Variants in USP7 observed in about 807,000 individuals in gnomAD.
The protein encoded by USP7 is ubiquitin specific peptidase 7.
A neutral mutation model predicts 162.9 loss-of-function variants in USP7; 9 were observed. That is an observed-to-expected ratio of 0.06 (90% CI 0.03 to 0.10). The LOEUF (loss-of-function observed/expected upper bound fraction) is 0.10, where lower values mean the gene tolerates loss of function less well. USP7 is among the 10% of genes least tolerant of loss of function. The probability of loss-of-function intolerance (pLI) is 1.00; values close to 1 mark genes in which losing one functional copy is unlikely to be tolerated. For missense variants in USP7, 715 were observed against 1,373.7 expected (o/e 0.52, Z 7.58); for synonymous variants, 562 against 475.9 (o/e 1.18, Z -2.35).
Position 8,963,338 on chromosome 16 carries a change from G to C in USP7, c.-53C>G, listed in dbSNP as rs1448105165. 1 of 742,854 alleles carries C rather than the reference G, an allele frequency of 1.3e-6. No individual in the cohort carries two copies. Among genetic ancestry groups the C allele is most frequent in the African/African-American group, 1.9e-5 (1 of 51,916 alleles). 46.0% of individuals were successfully genotyped at this position (742,854 alleles called of 1,614,324 possible). ...GGCCGGGGGCCGGGGCTGCGAGCCC[G>C]GCGGGCGGGCGGCGGCGAGCCGGGG... On this transcript the variant is annotated 5_prime_UTR_variant, in exon 1 of 31. Coordinates refer to ENST00000344836, the MANE Select transcript of USP7 (RefSeq NM_003470.3).
At chr16:8,900,879 G>T in intron 20 of USP7, 111 bp downstream of exon 20, 1 of 1,090,844 alleles carries the variant, frequency 9.2e-7, no homozygotes, top group Non-Finnish European at 1.3e-6. Flanking sequence ...CTGAGGCCCT[G>T]AGTTAGCTGG....
At position 8,939,965 on chromosome 16, in the gene USP7, G is replaced by A. The variant is rs1210423914; in HGVS notation, c.80-9568C>T. 7.2e-5 allele frequency among the ~76,000 whole-genome samples: 11 copies of A among 152,162 alleles called. No individual in the cohort carries two copies. The East Asian group carries it at 2.1e-3, about 29-fold the overall frequency. On this transcript the variant is annotated intron_variant, in intron 1 of 30. Transcript: ENST00000344836. Reference sequence around the variant, plus strand: ...ATACAAAAATTAGCCAAGCATGGTGGCACATGCCTGTAATCCAAGCTACTT... The same window carrying A: ...ATACAAAAATTAGCCAAGCATGGTGACACATGCCTGTAATCCAAGCTACTT...
chr16:8,945,480 G>C (rs916349733), intron 1 of USP7, among the ~76,000 whole-genome samples: 3 of 152,146 alleles, frequency 2.0e-5, no homozygotes, highest in African/African-American at 7.2e-5. Flanking sequence ...GGGGCTTTGG[G>C]AACAGTTCAA....
At chr16:8,895,541 A>C in intron 27 of USP7, 101 bp downstream of exon 27, 1 of 1,029,314 alleles carries the variant, frequency 9.7e-7, no homozygotes, top group Non-Finnish European at 1.5e-6. Flanking sequence ...TGGTATAAAA[A>C]CACAAATCAA....
At chr16:8,951,959 C>G (rs796735855) in intron 1 of USP7, among the ~76,000 whole-genome samples, 28 of 152,340 alleles carry the variant, frequency 1.8e-4, no homozygotes, top group African/African-American at 6.3e-4. Context: ...ATATTCAAAG[C>G]ATGTGGGGAA....
chr16:8,925,651 G>C (rs898838397), intron 2 of USP7, among the ~76,000 whole-genome samples: 7 of 152,172 alleles, frequency 4.6e-5, no homozygotes, highest in Admixed American at 6.5e-5. Context: ...CCGCGCATCC[G>C]TCTCTGTGCC....
intron 18 of USP7, 86 bp downstream of exon 18, chr16:8,901,996 A>G: frequency 7.3e-6 from 8 of 1,093,638 alleles, no homozygotes; most frequent in Non-Finnish European, 1.1e-5. Flanking sequence ...CAAGGGAAGA[A>G]GGCTTAACCC....
At chr16:8,896,958 C>T (rs1238281169) in intron 26 of USP7, 41 bp downstream of exon 26, 1 of 1,496,796 alleles carries the variant, frequency 6.7e-7, no homozygotes, top group Non-Finnish European at 9.3e-7. Flanking sequence ...TAACTGCCAC[C>T]CCTAACTGAA....
intron 1 of USP7, among the ~76,000 whole-genome samples, chr16:8,955,926 T>G (rs1410674119): frequency 6.6e-6 from 1 of 152,046 alleles, no homozygotes; most frequent in Non-Finnish European, 1.5e-5. Context: ...TTTTCTGAAG[T>G]ACTGTGAATG....
chr16:8,922,486 A>G (rs1258229745), intron 3 of USP7, among the ~76,000 whole-genome samples: 1 of 152,070 alleles, frequency 6.6e-6, no homozygotes, highest in Non-Finnish European at 1.5e-5. Flanking sequence ...GACTCTGTAA[A>G]TTTTATTCCC....
intron 1 of USP7, among the ~76,000 whole-genome samples, chr16:8,959,943 T>G (rs1407939478): frequency 6.6e-6 from 1 of 152,182 alleles, no homozygotes; most frequent in African/African-American, 2.4e-5. Context: ...GAGCCGACAC[T>G]GAAACAGAGA....
intron 6 of USP7, 42 bp downstream of exon 6, chr16:8,918,989 G>T: frequency 6.3e-7 from 1 of 1,596,902 alleles, no homozygotes; most frequent in South Asian, 1.1e-5. Flanking sequence ...TGAGAAGAAA[G>T]GGTGAGCGGA....
Position 8,899,149 on chromosome 16 carries a change from T to A in USP7, c.2503A>T (p.Met835Leu). The change falls in exon 23 of 31, where the codon ATG becomes TTG. Residue 835 changes from methionine (M) to leucine (L), a missense_variant. By Grantham distance (15) the Met-to-Leu change is conservative. Coordinates refer to ENST00000344836, the MANE Select transcript of USP7 (RefSeq NM_003470.3). ...TVAQRLNTDP[M>L]LLQFFKSQGY... Reference sequence around the variant, plus strand: ...TGAGACTTGAAAAACTGCAGCAACATTGGATCTGTGTTGAGCCTCTGTGCA... The same window carrying A: ...TGAGACTTGAAAAACTGCAGCAACAATGGATCTGTGTTGAGCCTCTGTGCA... 1.2e-6 allele frequency: 2 copies of A among 1,614,152 alleles called. No individual in the cohort carries two copies. The highest frequency in any genetic ancestry group is 1.7e-6 in the Non-Finnish European group (2 of 1,180,022).
Position 8,910,805 on chromosome 16 carries a change from A to G in USP7, c.1101T>C (p.Tyr367=), listed in dbSNP as rs2061934267. 1 of 1,614,102 alleles carries G rather than the reference A, an allele frequency of 6.2e-7. No homozygotes were observed. Among genetic ancestry groups the G allele is most frequent in the South Asian group, 1.1e-5 (1 of 91,090 alleles). ...KKNIFESFVD[Y]VAVEQLDGDN... ...CCCCATCGAGCTGTTCTACTGCCACATAATCCACAAATGATTCAAATACTT... is the reference window on the plus strand; with the variant it reads ...CCCCATCGAGCTGTTCTACTGCCACGTAATCCACAAATGATTCAAATACTT... Residue 367 remains tyrosine (Y), a synonymous_variant, in exon 11 of 31, where the codon TAT becomes TAC. Transcript: ENST00000344836.
intron 1 of USP7, among the ~76,000 whole-genome samples, chr16:8,960,632 G>C (rs894790443): frequency 7.2e-5 from 11 of 152,170 alleles, no homozygotes; most frequent in African/African-American, 2.7e-4. Context: ...GTTAGGAACC[G>C]AGGCAGACAC....
At chr16:8,904,913 A>G (rs2061836291) in intron 14 of USP7, among the ~76,000 whole-genome samples, 2 of 152,206 alleles carry the variant, frequency 1.3e-5, no homozygotes, top group East Asian at 3.8e-4. Flanking sequence ...TGGAGCTTGC[A>G]GTGAGCCGAG....
At chr16:8,944,215 G>A (rs997577112) in intron 1 of USP7, among the ~76,000 whole-genome samples, 1 of 142,428 alleles carries the variant, frequency 7.0e-6, no homozygotes, top group African/African-American at 2.7e-5. Context: ...GCAAAAATAC[G>A]CAGAGCAACA....
At chr16:8,917,770 T>C (rs1204851506) in intron 6 of USP7, among the ~76,000 whole-genome samples, 1 of 152,146 alleles carries the variant, frequency 6.6e-6, no homozygotes, top group Non-Finnish European at 1.5e-5. Context: ...TTCCTACTTA[T>C]TGGAGCACCA....
At chr16:8,942,463 G>A (rs146202746) in intron 1 of USP7, among the ~76,000 whole-genome samples, 2 of 152,356 alleles carry the variant, frequency 1.3e-5, no homozygotes, top group Non-Finnish European at 2.9e-5. Context: ...ACCCCAGCCT[G>A]TCAAAGTAGA....
Sources: allele counts gnomAD v4.1 joint callset (sites outside exome capture counted in the v4.1 genomes callset), GRCh38; gene constraint gnomAD v4.1.1; transcripts MANE v1.5; gene names NCBI Gene and HGNC (gene_info 2026-07-23, HGNC 2026-07-21).